SHCBP1L: variants seen among roughly 807,000 people sequenced by gnomAD.
SHCBP1L encodes SHC binding and spindle associated 1 like, also known as testicular spindle-associated protein SHCBP1L.
Under a neutral mutation model 62.5 loss-of-function variants are expected in SHCBP1L, and 67 were observed. The observed-to-expected ratio is 1.07, with a 90% CI of 0.88 to 1.31. SHCBP1L has a LOEUF of 1.31. Among genes scored for constraint, SHCBP1L ranks in the 40% most tolerant of loss-of-function variants. The probability of loss-of-function intolerance (pLI) is 0.00; values close to 1 mark genes in which losing one functional copy is unlikely to be tolerated. For missense variants in SHCBP1L, 823 were observed against 809.8 expected, an observed-to-expected ratio of 1.02 and a Z score of -0.20; for synonymous variants, 284 against 289.4, an observed-to-expected ratio of 0.98 and a Z score of 0.19.
At chr1:182,932,853 T>TC (rs1377577920) in intron 5 of SHCBP1L, among the ~76,000 whole-genome samples, 7 of 152,180 alleles carry the variant, frequency 4.6e-5, no homozygotes, top group Non-Finnish European at 2.9e-5. Context: ...TCTGCTTTTT[T>TC]CACTCAGCCT....
chr1:182,924,772 GAAAGAA>G (rs1553245935), intron 6 of SHCBP1L, among the ~76,000 whole-genome samples: 5 of 92,960 alleles, frequency 5.4e-5, no homozygotes, highest in African/African-American at 2.9e-4. Flanking sequence ...AAGAAAGAAA[GAAAGAA>G]AGAAAGAAAG....
At chr1:182,926,608 G>A (rs1046515926) in intron 6 of SHCBP1L, among the ~76,000 whole-genome samples, 1 of 152,078 alleles carries the variant, frequency 6.6e-6, no homozygotes, top group Non-Finnish European at 1.5e-5. Flanking sequence ...AAGCAAAACT[G>A]TGAATCAAAT....
At chr1:182,945,812 C>T (rs1651548122) in intron 2 of SHCBP1L, among the ~76,000 whole-genome samples, 1 of 152,092 alleles carries the variant, frequency 6.6e-6, no homozygotes, top group Non-Finnish European at 1.5e-5. Context: ...GTAATCCCAG[C>T]ACTTTGGGAG....
At chr1:182,917,473 A>T (rs1316373218) in intron 6 of SHCBP1L, among the ~76,000 whole-genome samples, 1 of 152,128 alleles carries the variant, frequency 6.6e-6, no homozygotes, top group Non-Finnish European at 1.5e-5. Context: ...TGAACTCCTG[A>T]CTTCAAGTGA....
At chr1:182,924,330 G>A (rs1021771419) in intron 6 of SHCBP1L, among the ~76,000 whole-genome samples, 17 of 143,694 alleles carry the variant, frequency 1.2e-4, no homozygotes, top group African/African-American at 3.9e-4. Flanking sequence ...ACGGAGTCTC[G>A]CTCTGCCACC....
intron 6 of SHCBP1L, among the ~76,000 whole-genome samples, chr1:182,919,015 C>A (rs984315167): frequency 5.9e-5 from 9 of 152,090 alleles, no homozygotes; most frequent in African/African-American, 1.9e-4. Flanking sequence ...GATTAACAAC[C>A]TATATATAAG....
intron 6 of SHCBP1L, among the ~76,000 whole-genome samples, chr1:182,924,528 C>A (rs1650614650): frequency 6.6e-6 from 1 of 151,482 alleles, no homozygotes; most frequent in South Asian, 2.1e-4. Context: ...GATCTCCTGA[C>A]CTCGTGATCC....
chr1:182,939,421 G>A, intron 4 of SHCBP1L, 27 bp from the exon 5 acceptor site: 1 of 1,608,494 alleles, frequency 6.2e-7, no homozygotes, highest in South Asian at 1.1e-5. Context: ...TAATTACAAT[G>A]TTTATTTTTT....
chr1:182,940,453 G>C lies in SHCBP1L; in HGVS notation c.646C>G (p.Pro216Ala), dbSNP rs760068360. The change falls in exon 3 of 10, where the codon CCA becomes GCA. Residue 216 changes from proline (P) to alanine (A), a missense_variant. Physicochemically the swap from Pro to Ala is conservative, Grantham distance 27. Coordinates refer to ENST00000367547, the MANE Select transcript of SHCBP1L (RefSeq NM_030933.4). ...EPFSSNIANI[P>A]RDLVDEILEE... ...AAAATCTCATCAACCAAATCTCTTG[G>C]AATATTTGCAATGTTGGAAGAAAAG... The C allele has an allele frequency of 5.6e-6, 9 of 1,613,888 alleles. No individual in the cohort carries two copies. The South Asian group carries it at 8.8e-5, about 16-fold the overall frequency.
chr1:182,941,160 A>G (rs1250967513), intron 2 of SHCBP1L, among the ~76,000 whole-genome samples: 1 of 151,870 alleles, frequency 6.6e-6, no homozygotes, highest in Non-Finnish European at 1.5e-5. Context: ...CAATGATAAT[A>G]ACAAAAAAAC....
chr1:182,936,909 C>G (rs916247265), intron 5 of SHCBP1L, among the ~76,000 whole-genome samples: 4 of 151,728 alleles, frequency 2.6e-5, no homozygotes, highest in Non-Finnish European at 2.9e-5. Flanking sequence ...AAAAAATTAG[C>G]CAGGCATGGT....
At chr1:182,928,202 C>A (rs1336141170) in intron 6 of SHCBP1L, among the ~76,000 whole-genome samples, 1 of 152,010 alleles carries the variant, frequency 6.6e-6, no homozygotes, top group Non-Finnish European at 1.5e-5. Flanking sequence ...TGTTAACCAC[C>A]AGCCTTGGTG....
intron 2 of SHCBP1L, among the ~76,000 whole-genome samples, chr1:182,945,638 T>C (rs529556014): frequency 6.6e-6 from 1 of 152,350 alleles, no homozygotes; most frequent in East Asian, 1.9e-4. Context: ...ACCTCACATA[T>C]TTGAAAATGT....
chr1:182,900,345 A>G (rs537347180), intron 9 of SHCBP1L, 111 bp from the exon 10 acceptor site: 1 of 932,588 alleles, frequency 1.1e-6, no homozygotes, highest in African/African-American at 1.7e-5. Context: ...AGATTTTTTA[A>G]AACAACCAAG....
At chr1:182,942,096 T>C in intron 2 of SHCBP1L, 1 of 899,378 alleles carries the variant, frequency 1.1e-6, no homozygotes, top group South Asian at 1.3e-5. Context: ...AGACATGGTA[T>C]ATGGTATTAA....
chr1:182,904,087 T>A, intron 8 of SHCBP1L, 93 bp downstream of exon 8: 3 of 1,440,956 alleles, frequency 2.1e-6, no homozygotes, highest in Non-Finnish European at 2.8e-6. Context: ...CACTAAAAGA[T>A]GAAGAAATTG....
chr1:182,925,894 T>C (rs1650730774), intron 6 of SHCBP1L, among the ~76,000 whole-genome samples: 1 of 152,192 alleles, frequency 6.6e-6, no homozygotes, highest in African/African-American at 2.4e-5. Flanking sequence ...AATGAAGTAC[T>C]GATAAATGCT....
rs138253779 is a variant in SHCBP1L, at chr1:182,951,054, G to A, written c.555+264C>T. On this transcript the variant is annotated intron_variant, in intron 2 of 9. Coordinates refer to ENST00000367547, the MANE Select transcript of SHCBP1L (RefSeq NM_030933.4). ...CTGAATCACTAATTTTATAAGAAAT[G>A]CATTTTTGTTATTTTTACATTAGTT... 5.9e-5 allele frequency among the ~76,000 whole-genome samples: 9 copies of A among 152,158 alleles called. No individual in the cohort carries two copies. In the East Asian group the frequency reaches 1.7e-3, roughly 29 times the overall value.
rs1651272742 is a variant in SHCBP1L at position 182,939,202 on chromosome 1, C to T, written c.1050G>A (p.Leu350=). 1 of 1,610,932 alleles carries T rather than the reference C, an allele frequency of 6.2e-7. No homozygotes were observed. Among genetic ancestry groups the T allele is most frequent in the Non-Finnish European group, 8.5e-7 (1 of 1,179,194 alleles). The change falls in exon 5 of 10, where the codon CTG becomes CTA. Residue 350 remains leucine (L), a synonymous_variant. Transcript: ENST00000367547. The part of the protein sequence containing the change: ...YYEIVMLCGL[L]KMWEDLRLRV... ...GGAGGCGTAAATCTTCCCACATTTT[C>T]AGTAATCCACAGAGCATGACTATCT...
Sources: gnomAD v4.1 joint callset for allele counts (sites outside exome capture counted in the v4.1 genomes callset) on GRCh38, gnomAD v4.1.1 for gene constraint, MANE v1.5 for transcripts, NCBI Gene and HGNC (gene_info 2026-07-23, HGNC 2026-07-21) for gene names.